Variants in CPNE5 observed in about 807,000 individuals in gnomAD.
The protein encoded by CPNE5 is copine 5.
In CPNE5, 42 loss-of-function variants were observed where a neutral mutation model predicts 81.1. The ratio of observed to expected loss-of-function variants is 0.52; its 90% CI spans 0.40 to 0.67. CPNE5 has a LOEUF of 0.67. CPNE5 is among the 30% of genes least tolerant of loss of function. The probability of loss-of-function intolerance (pLI) is 0.00; values close to 1 mark genes in which losing one functional copy is unlikely to be tolerated. For synonymous variants in CPNE5, 313 were observed against 321.5 expected (o/e 0.97, Z 0.28); for missense variants, 612 against 815.5 (o/e 0.75, Z 3.04).
intron 16 of CPNE5, 118 bp from the exon 17 acceptor site, chr6:36,745,633 G>A: frequency 2.5e-6 from 3 of 1,176,918 alleles, no homozygotes; most frequent in South Asian, 1.6e-5. Flanking sequence ...GGTCTTCTCT[G>A]GTGTGGGGTG....
chr6:36,819,420 CTTTT>C (rs975834713), intron 3 of CPNE5, among the ~76,000 whole-genome samples: 6 of 152,056 alleles, frequency 3.9e-5, no homozygotes, highest in African/African-American at 1.4e-4. Context: ...TCCTTTCTTT[CTTTT>C]TTTTATTTGT....
chr6:36,803,787 A>T (rs916291514), intron 3 of CPNE5, among the ~76,000 whole-genome samples: 1 of 152,166 alleles, frequency 6.6e-6, no homozygotes, highest in Non-Finnish European at 1.5e-5. Context: ...TTACCTTTTT[A>T]AAAAATATAT....
At chr6:36,811,189 T>C (rs930618566) in intron 3 of CPNE5, among the ~76,000 whole-genome samples, 2 of 152,026 alleles carry the variant, frequency 1.3e-5, no homozygotes, top group East Asian at 3.9e-4. Flanking sequence ...GGTCTGACTG[T>C]AGAGGGTGGG....
intron 1 of CPNE5, chr6:36,827,682 C>T: frequency 3.0e-6 from 3 of 985,398 alleles, no homozygotes; most frequent in Non-Finnish European, 3.6e-6. Context: ...TGAGGACTTC[C>T]AGGCCCAGGG....
intron 4 of CPNE5, 82 bp from the exon 5 acceptor site, chr6:36,798,576 C>A: frequency 8.0e-7 from 1 of 1,251,014 alleles, no homozygotes; most frequent in Non-Finnish European, 1.2e-6. Flanking sequence ...TGAGTCAGGG[C>A]CCCTGTCCCC....
intron 1 of CPNE5, among the ~76,000 whole-genome samples, chr6:36,827,953 A>G (rs1249227283): frequency 2.6e-5 from 4 of 151,950 alleles, no homozygotes; most frequent in Non-Finnish European, 5.9e-5. Context: ...TGTTCCTTAA[A>G]TCAAGGCCAG....
At chr6:36,794,492 G>A (rs1351619102) in intron 7 of CPNE5, 98 bp downstream of exon 7, 64 of 1,164,816 alleles carry the variant, frequency 5.5e-5, no homozygotes, top group Non-Finnish European at 6.7e-5. Context: ...CAAATTCGCA[G>A]TGATGGGAGC....
In CPNE5 at chr6:36,742,609, C is replaced by T. The variant is rs1331457587; in HGVS notation, c.1564-123G>A. On this transcript the variant is annotated intron_variant, in intron 20 of 20. Transcript: ENST00000244751. ...CTCTGCTCACTTGACTCAATCCCCCCACCTTTCTGAATTACCTGAGGGACT... is the reference window on the plus strand; with the variant it reads ...CTCTGCTCACTTGACTCAATCCCCCTACCTTTCTGAATTACCTGAGGGACT... 39 of 1,462,184 alleles carry T rather than the reference C, an allele frequency of 2.7e-5. No homozygotes were observed. In the East Asian group the frequency reaches 8.5e-4, roughly 32 times the overall value. 90.6% of individuals were successfully genotyped at this position (1,462,184 alleles called of 1,614,324 possible).
At position 36,746,862 on chromosome 6, in the gene CPNE5, A is replaced by G. The variant is rs1764225186; in HGVS notation, c.1019-285T>C. 6.6e-6 allele frequency among the ~76,000 whole-genome samples: 1 copy of G among 152,032 alleles called. No individual in the cohort carries two copies. Among genetic ancestry groups the G allele is most frequent in the African/African-American group, 2.4e-5 (1 of 41,374 alleles). ...TGTGCCTCCAGCCCATATCCAGCAC[A>G]GCAGTGACTGAGCCTATCCGCCTCA... On this transcript the variant is annotated intron_variant, in intron 15 of 20. Coordinates refer to ENST00000244751, the MANE Select transcript of CPNE5 (RefSeq NM_020939.2). This position sits in a 1 kb window ranked among gnomAD's most constrained non-coding sequence, Gnocchi z 4.5.
intron 10 of CPNE5, among the ~76,000 whole-genome samples, chr6:36,767,568 T>C (rs1289355193): frequency 6.6e-6 from 1 of 152,174 alleles, no homozygotes; most frequent in Non-Finnish European, 1.5e-5. Context: ...CGCTAAGCTC[T>C]GCAGGGGACC....
Position 36,747,311 on chromosome 6 carries a change from G to A in CPNE5, c.1019-734C>T, listed in dbSNP as rs531153339. ...TCTGTATTTAACTTATTTGTTCATT[G>A]ATGGGAGGTAGTACAGCACAGATTG... is the stretch of plus-strand genomic sequence containing the variant. On this transcript the variant is annotated intron_variant, in intron 15 of 20. Transcript: ENST00000244751. Among the ~76,000 whole-genome samples the A allele has an allele frequency of 2.6e-5, 4 of 151,866 alleles. No individual in the cohort carries two copies. The South Asian group carries it at 8.3e-4, about 32-fold the overall frequency.
rs143916948 is a variant in CPNE5 at position 36,828,768 on chromosome 6, T to A, written c.96-5670A>T. Among the ~76,000 whole-genome samples, 14 of 152,356 alleles carry A rather than the reference T, an allele frequency of 9.2e-5. 1 individual carries two copies. The East Asian group carries it at 2.7e-3, about 29-fold the overall frequency. ...GTATCTTCTTCCCAACAACTCACCC[T>A]AAGCATCCGTCCAACCTTGGGGGTG... On this transcript the variant is annotated intron_variant, in intron 1 of 20. Transcript: ENST00000244751.
chr6:36,834,800 A>G (rs1005189862), intron 1 of CPNE5, among the ~76,000 whole-genome samples: 1 of 152,086 alleles, frequency 6.6e-6, no homozygotes, highest in Non-Finnish European at 1.5e-5. Flanking sequence ...AGTGTATTCA[A>G]TGGTTAAATG....
At chr6:36,828,946 C>T (rs1283992490) in intron 1 of CPNE5, among the ~76,000 whole-genome samples, 1 of 152,188 alleles carries the variant, frequency 6.6e-6, no homozygotes, top group African/African-American at 2.4e-5. Context: ...ATAACAGTCC[C>T]CCCCTCCCAG....
In CPNE5 at chr6:36,745,281, A is replaced by T. The variant is rs111516703; in HGVS notation, c.1328+107T>A. On this transcript the variant is annotated intron_variant, in intron 17 of 20. Coordinates refer to ENST00000244751, the MANE Select transcript of CPNE5 (RefSeq NM_020939.2). ...ATCTCTTCAGGGTCAGGGCTCCCTG[A>T]AAGGCAAGTGCGTGGGAAGAGAAAC... The T allele has an allele frequency of 3.3e-4, 478 of 1,467,680 alleles. 1 individual carries two copies. In the African/African-American group the frequency reaches 5.9e-3, roughly 18 times the overall value. The allele number at this position is 1,467,680 out of a possible 1,614,324, so 90.9% of individuals were successfully genotyped here. A position where few individuals can be genotyped will look rare whatever the true frequency, so the allele number is the denominator to read the frequency against.
At chr6:36,834,278 A>AAAAAAAAG (rs1773235095) in intron 1 of CPNE5, among the ~76,000 whole-genome samples, 16 of 91,772 alleles carry the variant, frequency 1.7e-4, no homozygotes, top group South Asian at 4.9e-4. Flanking sequence ...AAAAAAAAAA[A>AAAAAAAAG]GGAAGGAAGG....
At chr6:36,825,707 C>T (rs1376901641) in intron 1 of CPNE5, among the ~76,000 whole-genome samples, 1 of 152,168 alleles carries the variant, frequency 6.6e-6, no homozygotes, top group Admixed American at 6.5e-5. Flanking sequence ...GGGCTGACTT[C>T]CCTGGGCCGA....
chr6:36,839,958 C>T (rs1052640067), upstream of CPNE5: 1 of 151,682 alleles, frequency 6.6e-6, no homozygotes, highest in Admixed American at 6.6e-5. This position sits in a 1 kb window ranked among gnomAD's most constrained non-coding sequence, Gnocchi z 7.3. Context: ...TCGGCTCGGG[C>T]TTCGGCTCCG....
intron 12 of CPNE5, among the ~76,000 whole-genome samples, chr6:36,762,146 G>C (rs998794359): frequency 3.3e-5 from 5 of 151,418 alleles, no homozygotes; most frequent in Non-Finnish European, 7.4e-5. Context: ...CCAGCTACTC[G>C]GGAGGCTGAG....
Sources: allele counts gnomAD v4.1 joint callset (sites outside exome capture counted in the v4.1 genomes callset), GRCh38; gene constraint gnomAD v4.1.1; non-coding constraint Gnocchi (gnomAD v3.1); transcripts MANE v1.5; gene names NCBI Gene and HGNC (gene_info 2026-07-23, HGNC 2026-07-21).